Variants in MTR observed in about 807,000 individuals in gnomAD.
MTR encodes methionine synthase.
Under a neutral mutation model 154.8 loss-of-function variants are expected in MTR, and 84 were observed. The ratio of observed to expected loss-of-function variants is 0.54; its 90% CI spans 0.45 to 0.65. The LOEUF is 0.65. Ranked by LOEUF, MTR falls within the 30% of genes least tolerant of loss-of-function variation. The probability of loss-of-function intolerance (pLI) is 0.00; values close to 1 mark genes in which losing one functional copy is unlikely to be tolerated. For synonymous variants in MTR, 554 were observed against 553.9 expected (o/e 1.00, Z 0.00); for missense variants, 1,275 against 1,570.2 (o/e 0.81, Z 3.18).
At chr1:236,872,894 C>T (rs1489306061) in intron 22 of MTR, among the ~76,000 whole-genome samples, 1 of 152,192 alleles carries the variant, frequency 6.6e-6, no homozygotes, top group East Asian at 1.9e-4. Context: ...GTCCCAGCTA[C>T]TCTGGAGGCT....
chr1:236,838,116 C>T (rs1412877162), intron 14 of MTR, among the ~76,000 whole-genome samples: 3 of 152,132 alleles, frequency 2.0e-5, no homozygotes, highest in Non-Finnish European at 4.4e-5. Context: ...GGCTTAGGCG[C>T]TTGAAAGTGT....
At position 236,862,230 on chromosome 1, in the gene MTR, T is replaced by A. The variant is rs1328542941; in HGVS notation, c.2197-6T>A. The A allele has an allele frequency of 6.2e-7, 1 of 1,609,144 alleles. No homozygotes were observed. Among genetic ancestry groups the A allele is most frequent in the Non-Finnish European group, 8.5e-7 (1 of 1,175,610 alleles). ...AAAGATACCTGATCTATGCTTTTTT[T>A]CTCAGGTTATAAAGTCAGCCCGGGT... On this transcript the variant is annotated splice_polypyrimidine_tract_variant and splice_region_variant and intron_variant, in intron 20 of 32. Transcript: ENST00000366577.
intron 32 of MTR, 42 bp downstream of exon 32, chr1:236,897,160 A>C (rs1270064644): frequency 1.4e-6 from 2 of 1,409,558 alleles, no homozygotes; most frequent in South Asian, 1.2e-5. Flanking sequence ...CCTAGTTCAA[A>C]TGAAATTCTA....
intron 14 of MTR, 65 bp downstream of exon 14, chr1:236,835,752 G>A (rs902325551): frequency 3.8e-6 from 6 of 1,599,392 alleles, no homozygotes; most frequent in Non-Finnish European, 5.1e-6. Flanking sequence ...ATTTAACCGT[G>A]CCAGTTGTCC....
At chr1:236,879,141 A>G (rs985171302) in intron 24 of MTR, among the ~76,000 whole-genome samples, 3 of 152,202 alleles carry the variant, frequency 2.0e-5, no homozygotes, top group African/African-American at 7.2e-5. Flanking sequence ...AAATTACCTC[A>G]ATGATCCACA....
At chr1:236,863,754 C>T (rs532107237) in intron 22 of MTR, among the ~76,000 whole-genome samples, 200 bp downstream of exon 22, 91 of 152,128 alleles carry the variant, frequency 6.0e-4, no homozygotes, top group East Asian at 1.9e-4. Context: ...AGTAATTATC[C>T]GTGTTCAAAA....
At chr1:236,880,579 A>C (rs1421616708) in intron 24 of MTR, among the ~76,000 whole-genome samples, 176 bp from the exon 25 acceptor site, 1 of 152,196 alleles carries the variant, frequency 6.6e-6, no homozygotes, top group Non-Finnish European at 1.5e-5. Flanking sequence ...GGGTAGGGAA[A>C]AAGTCATTCA....
Position 236,886,501 on chromosome 1 carries a change from G to C in MTR, c.2851+134G>C, listed in dbSNP as rs1666018463. The C allele has an allele frequency of 1.9e-5, 15 of 786,720 alleles. No homozygotes were observed. The South Asian group carries it at 2.2e-4, about 12-fold the overall frequency. The allele number at this position is 786,720 out of a possible 1,614,324, so 48.7% of individuals were successfully genotyped here. On this transcript the variant is annotated intron_variant, in intron 27 of 32. Transcript: ENST00000366577. ...TCAACTGTGTCTAATGCTGATGAGT[G>C]ACTGATGACTGGAAAGAAAGGGAAT...
At chr1:236,870,807 C>T (rs1665083670) in intron 22 of MTR, among the ~76,000 whole-genome samples, 1 of 152,172 alleles carries the variant, frequency 6.6e-6, no homozygotes, top group Non-Finnish European at 1.5e-5. Context: ...TGAACACCTC[C>T]CCAGCTCTCC....
chr1:236,897,308 A>ATGCGCGCGCGCGCGTGCGCGCGCG (rs57608445), intron 32 of MTR, among the ~76,000 whole-genome samples, 190 bp downstream of exon 32: 4 of 131,456 alleles, frequency 3.0e-5, no homozygotes, highest in Admixed American at 1.5e-4. Flanking sequence ...AGCCACACAC[A>ATGCGCGCGCGCGCGTGCGCGCGCG]CGCACACACA....
chr1:236,870,753 T>G (rs1319766475), intron 22 of MTR, among the ~76,000 whole-genome samples: 1 of 152,170 alleles, frequency 6.6e-6, no homozygotes, highest in African/African-American at 2.4e-5. Context: ...TAAAGAAATC[T>G]CAAATTTAAT....
chr1:236,836,595 A>C (rs1662922882), intron 14 of MTR, among the ~76,000 whole-genome samples: 1 of 152,028 alleles, frequency 6.6e-6, no homozygotes, highest in South Asian at 2.1e-4. Flanking sequence ...TAAGAGTTGC[A>C]TTTTTCAGGT....
At chr1:236,870,223 C>T (rs762120074) in intron 22 of MTR, among the ~76,000 whole-genome samples, 26 of 152,192 alleles carry the variant, frequency 1.7e-4, no homozygotes, top group African/African-American at 5.8e-4. Context: ...ATTTCCCCAG[C>T]AAGACGACTT....
chr1:236,824,254 A>G (rs1662153320), intron 9 of MTR, 35 bp downstream of exon 9: 1 of 1,494,198 alleles, frequency 6.7e-7, no homozygotes, highest in Non-Finnish European at 9.3e-7. Context: ...ATGGGGAGAT[A>G]AAAATAACAT....
At chr1:236,874,891 T>C in intron 24 of MTR, 45 bp downstream of exon 24, 1 of 1,604,974 alleles carries the variant, frequency 6.2e-7, no homozygotes, top group Non-Finnish European at 8.5e-7. Flanking sequence ...AATTTTCTTA[T>C]ATGCCAGTGT....
chr1:236,885,683 G>A (rs764889502), intron 26 of MTR, among the ~76,000 whole-genome samples: 4 of 152,298 alleles, frequency 2.6e-5, no homozygotes, highest in Middle Eastern at 3.4e-3. Context: ...AGAACTGTCC[G>A]TCTCTTGATC....
chr1:236,847,662 T>G (rs1663660737), intron 15 of MTR, among the ~76,000 whole-genome samples: 1 of 152,198 alleles, frequency 6.6e-6, no homozygotes. Context: ...TCACCTGGCT[T>G]TATATTAGCA....
chr1:236,883,290 G>A (rs190193634), intron 25 of MTR, among the ~76,000 whole-genome samples: 2 of 152,322 alleles, frequency 1.3e-5, no homozygotes, highest in African/African-American at 2.4e-5. Context: ...GATCATGTAG[G>A]TTAGCGCACA....
At chr1:236,876,398 A>G (rs978434896) in intron 24 of MTR, among the ~76,000 whole-genome samples, 3 of 152,216 alleles carry the variant, frequency 2.0e-5, no homozygotes, top group Admixed American at 2.0e-4. Context: ...GGATATGGCC[A>G]CCCATTAATA....
Sources: gnomAD v4.1 joint callset for allele counts (sites outside exome capture counted in the v4.1 genomes callset) on GRCh38, gnomAD v4.1.1 for gene constraint, MANE v1.5 for transcripts, NCBI Gene and HGNC (gene_info 2026-07-23, HGNC 2026-07-21) for gene names.